UPK3A: variants seen among roughly 807,000 people sequenced by gnomAD.
UPK3A encodes uroplakin 3A, also known as uroplakin-3a.
Under a neutral mutation model 27.6 loss-of-function variants are expected in UPK3A, and 32 were observed. That is an observed-to-expected ratio of 1.16 (90% confidence interval 0.87 to 1.55). The LOEUF (loss-of-function observed/expected upper bound fraction) is 1.55, where lower values mean the gene tolerates loss of function less well. Ranked by LOEUF, UPK3A falls within the 40% of genes most tolerant of loss-of-function variation. The pLI is 0.00. For synonymous variants in UPK3A, 171 were observed against 163.9 expected, an observed-to-expected ratio of 1.04 and a Z score of -0.33; for missense variants, 370 against 367.9, an observed-to-expected ratio of 1.01 and a Z score of -0.05.
At chr22:45,294,077 G>C (rs1314426015) in intron 5 of UPK3A, among the ~76,000 whole-genome samples, 1 of 152,086 alleles carries the variant, frequency 6.6e-6, no homozygotes, top group Non-Finnish European at 1.5e-5. Flanking sequence ...GGCCGGGGGG[G>C]TGCTGCCTGG....
At chr22:45,293,586 C>T (rs1388807800) in intron 5 of UPK3A, among the ~76,000 whole-genome samples, 4 of 152,170 alleles carry the variant, frequency 2.6e-5, no homozygotes, top group Non-Finnish European at 5.9e-5. Flanking sequence ...TTAGCTCTGA[C>T]ACTGAAGAGT....
intron 2 of UPK3A, among the ~76,000 whole-genome samples, 182 bp from the exon 3 acceptor site, chr22:45,286,990 G>A (rs961819679): frequency 2.0e-5 from 3 of 152,220 alleles, no homozygotes; most frequent in Non-Finnish European, 4.4e-5. Flanking sequence ...GCAGGGAGGT[G>A]ATCCTTGTCC....
chr22:45,285,875 C>T (rs755113544), intron 1 of UPK3A, 66 bp from the exon 2 acceptor site: 27 of 1,608,622 alleles, frequency 1.7e-5, no homozygotes, highest in Non-Finnish European at 2.2e-5. Flanking sequence ...TGCTCAGTAA[C>T]TGCAAGCAGA....
intron 5 of UPK3A, among the ~76,000 whole-genome samples, chr22:45,295,342 C>T (rs2084187816): frequency 6.6e-6 from 1 of 152,076 alleles, no homozygotes; most frequent in Non-Finnish European, 1.5e-5. Context: ...CCCAATAAGA[C>T]CTATAAGTTG....
chr22:45,292,310 C>T (rs2084167574), intron 4 of UPK3A, among the ~76,000 whole-genome samples: 1 of 152,186 alleles, frequency 6.6e-6, no homozygotes, highest in African/African-American at 2.4e-5. Context: ...GCTGGCCCAG[C>T]TTGAGCCTGG....
chr22:45,295,202 C>T (rs1272232765), intron 5 of UPK3A, among the ~76,000 whole-genome samples: 2 of 152,064 alleles, frequency 1.3e-5, no homozygotes, highest in African/African-American at 4.8e-5. Flanking sequence ...GAGCTGCCGC[C>T]TCCTCCAGGA....
rs1222848534 is a variant in UPK3A, at chr22:45,294,626, C to T, written c.705-934C>T. Among the ~76,000 whole-genome samples, 4 of 152,120 alleles carry T rather than the reference C, an allele frequency of 2.6e-5. No homozygotes were observed. In the East Asian group the frequency reaches 5.8e-4, roughly 22 times the overall value. Reference sequence around the variant, plus strand: ...CCCAGAAACTCTGCCTGGCTGCACCCGGGAGCAGTCAGAACACAGCAATGT... The same window carrying T: ...CCCAGAAACTCTGCCTGGCTGCACCTGGGAGCAGTCAGAACACAGCAATGT... On this transcript the variant is annotated intron_variant, in intron 5 of 5. Coordinates refer to ENST00000216211, the MANE Select transcript of UPK3A (RefSeq NM_006953.4).
At chr22:45,285,138 T>A in intron 1 of UPK3A, 73 bp downstream of exon 1, 1 of 1,369,710 alleles carries the variant, frequency 7.3e-7, no homozygotes, top group Non-Finnish European at 9.9e-7. Context: ...GCCCGCCGCC[T>A]GGACCCTGAT....
chr22:45,289,796 T>C (rs1341785012), intron 4 of UPK3A, among the ~76,000 whole-genome samples: 4 of 150,834 alleles, frequency 2.7e-5, no homozygotes, highest in Non-Finnish European at 5.9e-5. Flanking sequence ...TCCTCCTTCC[T>C]CCTTTCCATC....
At chr22:45,289,640 G>C (rs1038538392) in intron 4 of UPK3A, among the ~76,000 whole-genome samples, 9 of 150,942 alleles carry the variant, frequency 6.0e-5, no homozygotes, top group African/African-American at 2.0e-4. Context: ...TGTAATCCCA[G>C]CTACTTGGGA....
intron 1 of UPK3A, among the ~76,000 whole-genome samples, chr22:45,285,285 AG>A (rs966190122): frequency 1.3e-5 from 2 of 152,236 alleles, no homozygotes; most frequent in Admixed American, 6.5e-5. Flanking sequence ...ACCAACATGC[AG>A]GGGGGCTGCG....
At position 45,285,968 on chromosome 22, in the gene UPK3A, G is replaced by T. The variant is rs1159544632; in HGVS notation, c.80G>T (p.Ser27Ile). The T allele has an allele frequency of 6.2e-7, 1 of 1,614,104 alleles. No individual in the cohort carries two copies. The highest frequency in any genetic ancestry group is 1.7e-5 in the Admixed American group (1 of 60,020). ...GTGAACCTGCAGCCCCAACTGGCCA[G>T]TGTGACTTTCGCCACCAACAACCCC... is the stretch of plus-strand genomic sequence containing the variant. ...SAVNLQPQLA[S>I]VTFATNNPTL... Residue 27 changes from serine to isoleucine, a missense_variant, in exon 2 of 6, where the codon AGT becomes ATT. Coordinates refer to ENST00000216211, the MANE Select transcript of UPK3A (RefSeq NM_006953.4).
intron 4 of UPK3A, among the ~76,000 whole-genome samples, chr22:45,290,463 T>C (rs2084152559): frequency 6.6e-6 from 1 of 152,008 alleles, no homozygotes; most frequent in Non-Finnish European, 1.5e-5. Context: ...GTGCCTGTTG[T>C]GGTATGTCTA....
At chr22:45,292,132 G>A (rs1401897156) in intron 4 of UPK3A, among the ~76,000 whole-genome samples, 1 of 152,192 alleles carries the variant, frequency 6.6e-6, no homozygotes, top group Admixed American at 6.5e-5. Flanking sequence ...ACTGCGGTGT[G>A]AGCCGTTATG....
intron 4 of UPK3A, among the ~76,000 whole-genome samples, chr22:45,292,187 T>C (rs2084166450): frequency 6.6e-6 from 1 of 152,156 alleles, no homozygotes; most frequent in Admixed American, 6.5e-5. Flanking sequence ...GAATTCTTGA[T>C]GGGCCTCTGC....
At position 45,295,609 on chromosome 22, in the gene UPK3A, CA is replaced by C; in HGVS notation, c.755del (p.Gln252ArgfsTer18). ...GETTHDSQIT[Q>X]EAVPKSLGAS... ...AACGACTCACGACTCCCAAATCACT[CA>C]GGAGGCTGTTCCCAAGTCGCTGGGG... On this transcript the variant is annotated frameshift_variant, in exon 6 of 6. Coordinates refer to ENST00000216211, the MANE Select transcript of UPK3A (RefSeq NM_006953.4). LOFTEE classifies it high-confidence loss of function. 1 of 1,614,066 alleles carries C rather than the reference CA, an allele frequency of 6.2e-7. No homozygotes were observed. The highest frequency in any genetic ancestry group is 8.5e-7 in the Non-Finnish European group (1 of 1,180,036).
At chr22:45,289,510 G>A (rs959543878) in intron 4 of UPK3A, among the ~76,000 whole-genome samples, 3 of 151,286 alleles carry the variant, frequency 2.0e-5, no homozygotes, top group South Asian at 2.1e-4. Context: ...CCCGGGAGGT[G>A]GAGCTTGCAG....
At chr22:45,291,178 G>A (rs1299292083) in intron 4 of UPK3A, among the ~76,000 whole-genome samples, 1 of 152,140 alleles carries the variant, frequency 6.6e-6, no homozygotes, top group Non-Finnish European at 1.5e-5. Context: ...TGGTATATGT[G>A]GTGTGTGGTG....
chr22:45,287,514 C>T, intron 3 of UPK3A, 63 bp downstream of exon 3: 3 of 1,543,434 alleles, frequency 1.9e-6, no homozygotes, highest in Non-Finnish European at 2.6e-6. Context: ...TGAGGGAGAG[C>T]AGGGGCAAAG....
Sources: allele counts gnomAD v4.1 joint callset (sites outside exome capture counted in the v4.1 genomes callset), GRCh38; gene constraint gnomAD v4.1.1; transcripts MANE v1.5; gene names NCBI Gene and HGNC (gene_info 2026-07-23, HGNC 2026-07-21).